Variants in KIAA1671 observed in about 807,000 individuals in gnomAD.
The protein encoded by KIAA1671 is KIAA1671, also known as uncharacterized protein KIAA1671.
Under a neutral mutation model 131.2 loss-of-function variants are expected in KIAA1671, and 52 were observed. That is an observed-to-expected ratio of 0.40 (90% CI 0.32 to 0.50). KIAA1671 has a LOEUF of 0.50. KIAA1671 is among the 20% of genes least tolerant of loss of function. The pLI is 0.73. For synonymous variants in KIAA1671, 1,003 were observed against 961.6 expected, an observed-to-expected ratio of 1.04 and a Z score of -0.80; for missense variants, 2,360 against 2,364.2, an observed-to-expected ratio of 1.00 and a Z score of 0.04.
At chr22:25,115,044 G>A (rs1931583163) in intron 6 of KIAA1671, among the ~76,000 whole-genome samples, 1 of 152,236 alleles carries the variant, frequency 6.6e-6, no homozygotes, top group Non-Finnish European at 1.5e-5. Flanking sequence ...GTTTTCTAAA[G>A]CCAGCCTTGA....
At chr22:25,086,543 G>T (rs1274262771) in intron 6 of KIAA1671, among the ~76,000 whole-genome samples, 1 of 152,206 alleles carries the variant, frequency 6.6e-6, no homozygotes, top group East Asian at 1.9e-4. Flanking sequence ...CTTAGCAAAT[G>T]CTTCCTGCAC....
In KIAA1671 at chr22:25,190,702, G is replaced by T; in HGVS notation, c.5343G>T (p.Arg1781Ser). 1 of 1,551,488 alleles carries T rather than the reference G, an allele frequency of 6.4e-7. No homozygotes were observed. The highest frequency in any genetic ancestry group is 8.7e-7 in the Non-Finnish European group (1 of 1,146,702). ...TCTCTTACTGGCTTTGTGGTTTCAG[G>T]TCGGATGAACCCTCTCCCCAGTGGC... ...VLPSSMDKDERSDEPSPQWLK... is the reference protein window; with the variant it reads ...VLPSSMDKDESSDEPSPQWLK... The change falls in exon 12 of 13, where the codon AGG (arginine) becomes AGT (serine). Residue 1781 changes from arginine (R) to serine (S), a missense_variant and splice_region_variant. Arg to Ser is a moderately radical substitution (Grantham distance 110). Coordinates refer to ENST00000358431, the MANE Select transcript of KIAA1671 (RefSeq NM_001145206.2).
intron 10 of KIAA1671, among the ~76,000 whole-genome samples, chr22:25,183,673 C>A (rs1006592414): frequency 1.2e-4 from 18 of 152,142 alleles, no homozygotes; most frequent in Admixed American, 3.9e-4. Flanking sequence ...CAGGCGCCGG[C>A]CACCATGCCT....
At chr22:24,967,644 T>C (rs1922364068) in intron 1 of KIAA1671, among the ~76,000 whole-genome samples, 1 of 152,158 alleles carries the variant, frequency 6.6e-6, no homozygotes, top group Admixed American at 6.5e-5. Flanking sequence ...GATCCCAGCC[T>C]CGGCCCCATT....
chr22:25,113,123 A>C (rs922952473), intron 6 of KIAA1671, among the ~76,000 whole-genome samples: 1 of 152,172 alleles, frequency 6.6e-6, no homozygotes, highest in Non-Finnish European at 1.5e-5. Flanking sequence ...ACAGTGCAGA[A>C]ACAATCGTAA....
rs191498677 is a variant in KIAA1671 at position 25,004,374 on chromosome 22, C to T, written c.-207-21259C>T. Among the ~76,000 whole-genome samples the T allele has an allele frequency of 5.9e-5, 9 of 151,966 alleles. No homozygotes were observed. The East Asian group carries it at 9.7e-4, about 16-fold the overall frequency. On this transcript the variant is annotated intron_variant, in intron 1 of 12. Coordinates refer to ENST00000358431, the MANE Select transcript of KIAA1671 (RefSeq NM_001145206.2). The stretch of plus-strand genomic sequence containing the variant: ...CAAGTGAGGCCTTGGCCTCCTGAAG[C>T]GCTGGGATTACAGGAGTGAGCCACC...
At chr22:24,998,928 G>A (rs1403281863) in intron 1 of KIAA1671, among the ~76,000 whole-genome samples, 1 of 151,810 alleles carries the variant, frequency 6.6e-6, no homozygotes, top group East Asian at 1.9e-4. Context: ...GGACATTTGA[G>A]TGGTTTCCAG....
chr22:25,115,912 G>A (rs943778888), intron 6 of KIAA1671, among the ~76,000 whole-genome samples: 1 of 152,090 alleles, frequency 6.6e-6, no homozygotes, highest in Non-Finnish European at 1.5e-5. Context: ...CAGTAGCTGG[G>A]ATTACAGGTG....
intron 6 of KIAA1671, among the ~76,000 whole-genome samples, chr22:25,168,334 G>A (rs979566345): frequency 1.2e-4 from 19 of 152,340 alleles, no homozygotes; most frequent in Admixed American, 3.3e-4. Context: ...CATGTAGTAG[G>A]AGCTCAGTAA....
intron 6 of KIAA1671, chr22:25,059,781 T>TGTA (rs1361801995): frequency 7.2e-5 from 11 of 152,160 alleles, no homozygotes; most frequent in African/African-American, 2.7e-4. Context: ...GCCCCTCCCA[T>TGTA]GTAGTTCCTG....
At chr22:25,073,503 C>T (rs1928937852) in intron 6 of KIAA1671, among the ~76,000 whole-genome samples, 2 of 152,216 alleles carry the variant, frequency 1.3e-5, no homozygotes, top group Non-Finnish European at 2.9e-5. Flanking sequence ...CCTATCTCCT[C>T]TCATAGTCAC....
At chr22:25,073,139 C>T (rs147204406) in intron 6 of KIAA1671, among the ~76,000 whole-genome samples, 1 of 152,202 alleles carries the variant, frequency 6.6e-6, no homozygotes, top group African/African-American at 2.4e-5. Context: ...ATGATCATAG[C>T]TCACTGCAGC....
chr22:25,098,409 A>G (rs1930493154), intron 6 of KIAA1671, among the ~76,000 whole-genome samples: 1 of 152,190 alleles, frequency 6.6e-6, no homozygotes, highest in Admixed American at 6.5e-5. Context: ...GCAGAGACTA[A>G]GACATAGAAG....
At chr22:25,082,199 C>T (rs1929446859) in intron 6 of KIAA1671, among the ~76,000 whole-genome samples, 1 of 152,116 alleles carries the variant, frequency 6.6e-6, no homozygotes, top group Non-Finnish European at 1.5e-5. Context: ...TGACCTTGTG[C>T]CAGCCACCAC....
intron 9 of KIAA1671, among the ~76,000 whole-genome samples, chr22:25,178,909 T>C (rs1467261915): frequency 6.6e-6 from 1 of 152,130 alleles, no homozygotes; most frequent in Non-Finnish European, 1.5e-5. Context: ...TACTGTAGCC[T>C]CGCCTGCTGG....
At position 25,138,547 on chromosome 22, in the gene KIAA1671, G is replaced by T. The variant is rs145651921; in HGVS notation, c.4531-32273G>T. On this transcript the variant is annotated intron_variant, in intron 6 of 12. Coordinates refer to ENST00000358431, the MANE Select transcript of KIAA1671 (RefSeq NM_001145206.2). ...CTCTGAAGCATGAGCCACCCTTTTG[G>T]ATTAACTCTGCTCTTGTTGCTTAGA... 5.6e-3 allele frequency among the ~76,000 whole-genome samples: 850 copies of T among 152,258 alleles called. 5 individuals carry two copies. Among genetic ancestry groups the T allele is most frequent in the Non-Finnish European group, 8.0e-3 (543 of 68,004 alleles).
At chr22:24,985,658 T>G (rs1055978641) in intron 1 of KIAA1671, among the ~76,000 whole-genome samples, 5 of 152,052 alleles carry the variant, frequency 3.3e-5, no homozygotes, top group Non-Finnish European at 4.4e-5. Context: ...CTTGTTTCTT[T>G]AGTTCCCTCT....
At chr22:25,021,394 C>T (rs73395684) in intron 1 of KIAA1671, among the ~76,000 whole-genome samples, 7,033 of 151,516 alleles carry the variant, frequency 0.046, 586 homozygotes, top group African/African-American at 0.16. Flanking sequence ...TCAGTGAAAT[C>T]TTCCCTAGCT....
At position 25,039,358 on chromosome 22, in the gene KIAA1671, T is replaced by C. The variant is rs1926789373; in HGVS notation, c.2228T>C (p.Val743Ala). The change falls in exon 5 of 13, where the codon GTG becomes GCG. Residue 743 changes from valine (V) to alanine (A), a missense_variant. Physicochemically the swap from Val to Ala is moderately conservative, Grantham distance 64. This residue lies in a region of KIAA1671 where 1,185 missense variants were observed against 1,126.2 expected (regional missense o/e 1.05). Transcript: ENST00000358431. ...ATTGTGCATGCAGTGGGAGAGCGTG[T>C]GCACAGCGAGGCCATCTCACCGGCA... ...YDIVHAVGER[V>A]HSEAISPAPE... is the part of the protein sequence containing the mutation. 1.3e-6 allele frequency: 2 copies of C among 1,551,794 alleles called. No homozygotes were observed. Among genetic ancestry groups the C allele is most frequent in the Non-Finnish European group, 1.7e-6 (2 of 1,147,046 alleles).
Sources: allele counts gnomAD v4.1 joint callset (sites outside exome capture counted in the v4.1 genomes callset), GRCh38; gene constraint gnomAD v4.1.1; regional missense constraint gnomAD v4.1.1; transcripts MANE v1.5; gene names NCBI Gene and HGNC (gene_info 2026-07-23, HGNC 2026-07-21).